IGSF21: variants seen among roughly 807,000 people sequenced by gnomAD.
The protein encoded by IGSF21 is immunoglobulin superfamily member 21.
In IGSF21, 28 loss-of-function variants were observed where a neutral mutation model predicts 46.8. The ratio of observed to expected loss-of-function variants is 0.60; its 90% CI spans 0.44 to 0.82. IGSF21 has a LOEUF of 0.82. IGSF21 is among the 40% of genes least tolerant of loss of function. IGSF21 has a pLI of 0.00. For missense variants in IGSF21, 624 were observed against 665.5 expected, an observed-to-expected ratio of 0.94 and a Z score of 0.69; for synonymous variants, 284 against 273.6, an observed-to-expected ratio of 1.04 and a Z score of -0.38.
chr1:18,186,489 T>C (rs9727616), intron 1 of IGSF21, among the ~76,000 whole-genome samples: 12,779 of 152,140 alleles, frequency 0.084, 574 homozygotes, highest in African/African-American at 0.091. Context: ...GAATAGCACT[T>C]GGAGTGACCC....
At chr1:18,276,564 A>AC (rs2085104781) in intron 2 of IGSF21, among the ~76,000 whole-genome samples, 1 of 151,194 alleles carries the variant, frequency 6.6e-6, no homozygotes, top group African/African-American at 2.4e-5. Context: ...AGACCCCCCG[A>AC]CCCCCGCCAT....
At chr1:18,220,076 G>A (rs116651887) in intron 1 of IGSF21, among the ~76,000 whole-genome samples, 3,984 of 152,308 alleles carry the variant, frequency 0.026, 76 homozygotes, top group Middle Eastern at 0.051. Flanking sequence ...ACCTGCTGAG[G>A]TGGGCACCAA....
At chr1:18,344,480 G>C (rs933404175) in intron 4 of IGSF21, among the ~76,000 whole-genome samples, 2 of 152,132 alleles carry the variant, frequency 1.3e-5, no homozygotes, top group Non-Finnish European at 2.9e-5. Flanking sequence ...CCCTCTCAGA[G>C]GTCTGCTGAT....
chr1:18,212,439 CTT>C (rs1414049233), intron 1 of IGSF21, among the ~76,000 whole-genome samples: 1 of 152,184 alleles, frequency 6.6e-6, no homozygotes, highest in Non-Finnish European at 1.5e-5. Flanking sequence ...TTCAGAACAC[CTT>C]CCCTGCTGTT....
chr1:18,219,160 A>C (rs1268226522), intron 1 of IGSF21, among the ~76,000 whole-genome samples: 1 of 152,240 alleles, frequency 6.6e-6, no homozygotes, highest in African/African-American at 2.4e-5. Context: ...TAAACGTCTA[A>C]GAAGGAGTAA....
chr1:18,312,249 C>T (rs138343734), intron 3 of IGSF21, among the ~76,000 whole-genome samples: 25 of 152,178 alleles, frequency 1.6e-4, no homozygotes, highest in East Asian at 7.7e-4. Context: ...TAAATGAATC[C>T]GCAAAATGAA....
At chr1:18,321,829 A>G (rs1187008510) in intron 3 of IGSF21, among the ~76,000 whole-genome samples, 1 of 152,234 alleles carries the variant, frequency 6.6e-6, no homozygotes, top group Non-Finnish European at 1.5e-5. Context: ...GCCTGGCTGC[A>G]GGGTTCAGGA....
intron 3 of IGSF21, among the ~76,000 whole-genome samples, chr1:18,301,251 G>C (rs1437455773): frequency 6.6e-6 from 1 of 152,234 alleles, no homozygotes; most frequent in Non-Finnish European, 1.5e-5. Context: ...GGCCATTGGA[G>C]CCAGGTCCAC....
At chr1:18,230,741 A>C (rs2084616926) in intron 2 of IGSF21, among the ~76,000 whole-genome samples, 1 of 151,988 alleles carries the variant, frequency 6.6e-6, no homozygotes. Flanking sequence ...GAAGGGAGAG[A>C]GATAAGAGCC....
At chr1:18,277,796 C>G (rs1008017775) in intron 2 of IGSF21, among the ~76,000 whole-genome samples, 1 of 152,074 alleles carries the variant, frequency 6.6e-6, no homozygotes, top group South Asian at 2.1e-4. Context: ...CCGTATAATT[C>G]GTTGATACGA....
At chr1:18,308,661 A>G (rs1390325497) in intron 3 of IGSF21, among the ~76,000 whole-genome samples, 1 of 152,142 alleles carries the variant, frequency 6.6e-6, no homozygotes, top group African/African-American at 2.4e-5. Flanking sequence ...AGCCAAGGAT[A>G]TGTGTGTTCC....
intron 2 of IGSF21, among the ~76,000 whole-genome samples, chr1:18,255,641 CT>C (rs1353050890): frequency 6.6e-6 from 1 of 152,046 alleles, no homozygotes; most frequent in African/African-American, 2.4e-5. Flanking sequence ...CCCTGTGTTC[CT>C]CTCTTCCTCT....
chr1:18,213,229 C>CT (rs1243791949), intron 1 of IGSF21, among the ~76,000 whole-genome samples: 1 of 152,196 alleles, frequency 6.6e-6, no homozygotes, highest in Non-Finnish European at 1.5e-5. Flanking sequence ...CATTCATTCA[C>CT]TTTTTTTCCA....
chr1:18,246,102 G>T (rs890691291), intron 2 of IGSF21, among the ~76,000 whole-genome samples: 3 of 152,198 alleles, frequency 2.0e-5, no homozygotes, highest in African/African-American at 7.2e-5. Flanking sequence ...AAACAGGAGT[G>T]AAAGTCCCAG....
intron 9 of IGSF21, 130 bp downstream of exon 9, chr1:18,377,561 C>T (rs569068635): frequency 1.3e-6 from 1 of 782,442 alleles, no homozygotes; most frequent in Admixed American, 2.0e-5. Context: ...GGTCATTGCC[C>T]TCTAGTAGGG....
chr1:18,351,136 G>A (rs1032232405), intron 4 of IGSF21, among the ~76,000 whole-genome samples: 1 of 152,090 alleles, frequency 6.6e-6, no homozygotes, highest in Non-Finnish European at 1.5e-5. Context: ...CCACGGCAAC[G>A]CTGAGACGGA....
At chr1:18,199,905 C>T (rs776962996) in intron 1 of IGSF21, among the ~76,000 whole-genome samples, 128 of 152,248 alleles carry the variant, frequency 8.4e-4, no homozygotes, top group Non-Finnish European at 1.7e-3. Context: ...CCCCCCTACC[C>T]CCGTGAGAAT....
chr1:18,296,556 C>G lies in IGSF21; in HGVS notation c.305+4569C>G, dbSNP rs181366180. On this transcript the variant is annotated intron_variant, in intron 3 of 9. Coordinates refer to ENST00000251296, the MANE Select transcript of IGSF21 (RefSeq NM_032880.5). ...TGAAGATGCTGCCTTCCTCCAGGTACAGAGAGGGAACCTCTCACGTGAAGG... is the reference window on the plus strand; with the variant it reads ...TGAAGATGCTGCCTTCCTCCAGGTAGAGAGAGGGAACCTCTCACGTGAAGG... Among the ~76,000 whole-genome samples, 95 of 152,272 alleles carry G rather than the reference C, an allele frequency of 6.2e-4. 1 individual carries two copies. The highest frequency in any genetic ancestry group is 3.4e-3 in the Middle Eastern group (1 of 294).
chr1:18,254,728 T>C (rs924006174), intron 2 of IGSF21, among the ~76,000 whole-genome samples: 3 of 152,202 alleles, frequency 2.0e-5, no homozygotes, highest in Non-Finnish European at 4.4e-5. Context: ...TGGACATAGG[T>C]TGTCCAAGCC....
Sources: gnomAD v4.1 joint callset for allele counts (sites outside exome capture counted in the v4.1 genomes callset) on GRCh38, gnomAD v4.1.1 for gene constraint, MANE v1.5 for transcripts, NCBI Gene and HGNC (gene_info 2026-07-23, HGNC 2026-07-21) for gene names.